MYO3B: variants seen among roughly 807,000 people sequenced by gnomAD.
The protein encoded by MYO3B is myosin IIIB.
In MYO3B, 156 loss-of-function variants were observed where a neutral mutation model predicts 174.6. The ratio of observed to expected loss-of-function variants is 0.89; its 90% CI spans 0.78 to 1.02. The LOEUF is 1.02. Among genes scored for constraint, MYO3B ranks in the 50% least tolerant of loss-of-function variants. The pLI is 0.00. For synonymous variants in MYO3B, 563 were observed against 569.1 expected (o/e 0.99, Z 0.15); for missense variants, 1,632 against 1,639.4 (o/e 1.00, Z 0.08).
intron 7 of MYO3B, among the ~76,000 whole-genome samples, chr2:170,323,999 G>C (rs1239032435): frequency 6.6e-6 from 1 of 152,152 alleles, no homozygotes; most frequent in Non-Finnish European, 1.5e-5. Flanking sequence ...GAAGAAAAAG[G>C]AGTTCCCCTT....
intron 7 of MYO3B, among the ~76,000 whole-genome samples, chr2:170,271,964 G>GC (rs2093428214): frequency 6.6e-6 from 1 of 151,810 alleles, no homozygotes; most frequent in Non-Finnish European, 1.5e-5. Context: ...ATAGCTCTTT[G>GC]TATCTAGTAA....
At chr2:170,411,399 T>C (rs749613612) in intron 22 of MYO3B, among the ~76,000 whole-genome samples, 5 of 152,246 alleles carry the variant, frequency 3.3e-5, no homozygotes, top group South Asian at 2.1e-4. Flanking sequence ...TCTCGGGCTG[T>C]AAACCTGTAC....
At chr2:170,610,573 T>G (rs1695074971) in intron 32 of MYO3B, among the ~76,000 whole-genome samples, 2 of 152,216 alleles carry the variant, frequency 1.3e-5, no homozygotes, top group African/African-American at 2.4e-5. Flanking sequence ...ATGTTTCTTT[T>G]CCCAGTTATG....
At chr2:170,245,854 G>A (rs1256192348) in intron 7 of MYO3B, among the ~76,000 whole-genome samples, 1 of 152,130 alleles carries the variant, frequency 6.6e-6, no homozygotes, top group Non-Finnish European at 1.5e-5. Flanking sequence ...AGATACCAGT[G>A]CCTCATGTAT....
At position 170,466,820 on chromosome 2, in the gene MYO3B, G is replaced by A. The variant is rs1453724101; in HGVS notation, c.3014+109G>A. Reference sequence around the variant, plus strand: ...CGTGCTCTCCTCCAAACATGTAATTGGCTAGTTGCCAGCTACCATTTACTT... The same window carrying A: ...CGTGCTCTCCTCCAAACATGTAATTAGCTAGTTGCCAGCTACCATTTACTT... On this transcript the variant is annotated intron_variant, in intron 25 of 34. Transcript: ENST00000408978. 4 of 1,083,610 alleles carry A rather than the reference G, an allele frequency of 3.7e-6. No individual in the cohort carries two copies. In the Admixed American group the frequency reaches 9.9e-5, roughly 27 times the overall value. 67.1% of individuals were successfully genotyped at this position (1,083,610 alleles called of 1,614,324 possible). A position where few individuals can be genotyped will look rare whatever the true frequency, so the allele number is the denominator to read the frequency against.
chr2:170,538,526 G>A (rs1054372312), intron 30 of MYO3B, among the ~76,000 whole-genome samples: 1 of 152,230 alleles, frequency 6.6e-6, no homozygotes, highest in African/African-American at 2.4e-5. Flanking sequence ...TGCAGAAGAA[G>A]GGAGATGCTG....
intron 32 of MYO3B, among the ~76,000 whole-genome samples, chr2:170,572,150 T>C (rs13426855): frequency 0.68 from 102,642 of 151,804 alleles, 35,027 homozygotes; most frequent in Non-Finnish European, 0.7. Flanking sequence ...CTTTCTCTGG[T>C]CGGGCATGGT....
intron 30 of MYO3B, among the ~76,000 whole-genome samples, chr2:170,529,592 C>T (rs961303162): frequency 2.6e-5 from 4 of 152,166 alleles, no homozygotes; most frequent in African/African-American, 9.7e-5. Flanking sequence ...CATCCCCTTC[C>T]TGCATTACCC....
rs78458638 is a variant in MYO3B, at chr2:170,380,136, G to A, written c.972-1880G>A. Among the ~76,000 whole-genome samples, 1,061 of 152,284 alleles carry A rather than the reference G, an allele frequency of 7.0e-3. 18 individuals carry two copies. Among genetic ancestry groups the A allele is most frequent in the East Asian group, 0.057 (298 of 5,184 alleles). ...TAGCTAGATAGAATTGTATTGGTGG[G>A]TGATATCCTCATAAGCTGTGATGTT... On this transcript the variant is annotated intron_variant, in intron 9 of 34. Transcript: ENST00000408978.
chr2:170,306,578 T>C (rs2093702114), intron 7 of MYO3B, among the ~76,000 whole-genome samples: 1 of 152,244 alleles, frequency 6.6e-6, no homozygotes, highest in Non-Finnish European at 1.5e-5. Flanking sequence ...GACTGTTGAC[T>C]GACCGTTAGT....
intron 32 of MYO3B, among the ~76,000 whole-genome samples, chr2:170,616,670 T>C (rs1191961143): frequency 2.6e-5 from 4 of 152,126 alleles, no homozygotes; most frequent in African/African-American, 9.7e-5. Context: ...AAACCAATAG[T>C]ACAAATTATA....
intron 32 of MYO3B, among the ~76,000 whole-genome samples, chr2:170,592,204 A>C (rs1368225981): frequency 6.6e-6 from 1 of 152,162 alleles, no homozygotes; most frequent in Non-Finnish European, 1.5e-5. Flanking sequence ...TTCTGTTGAT[A>C]GAGGTACTTT....
intron 16 of MYO3B, among the ~76,000 whole-genome samples, chr2:170,399,288 C>T (rs137925667): frequency 9.7e-5 from 10 of 103,048 alleles, no homozygotes; most frequent in African/African-American, 3.5e-4. Flanking sequence ...GTCTGGCCAA[C>T]AGGGCAAAAC....
chr2:170,404,108 C>A lies in MYO3B; in HGVS notation c.2278-139C>A, dbSNP rs567692037. On this transcript the variant is annotated intron_variant, in intron 19 of 34. Transcript: ENST00000408978. ...TTAATGGTGTTATATGCAGAAGATTCCTTTATTATACACATAAAACATATC... is the reference window on the plus strand; with the variant it reads ...TTAATGGTGTTATATGCAGAAGATTACTTTATTATACACATAAAACATATC... The A allele has an allele frequency of 7.2e-6, 6 of 838,532 alleles. No homozygotes were observed. In the South Asian group the frequency reaches 1.3e-4, roughly 19 times the overall value. 51.9% of individuals were successfully genotyped at this position (838,532 alleles called of 1,614,324 possible). A position where few individuals can be genotyped will look rare whatever the true frequency, so the allele number is the denominator to read the frequency against.
intron 32 of MYO3B, chr2:170,643,584 A>G (rs556125862): frequency 6.6e-5 from 10 of 152,316 alleles, no homozygotes; most frequent in South Asian, 6.2e-4. Flanking sequence ...AGGATTTGCC[A>G]TCTGTAAATC....
chr2:170,653,401 A>G lies in MYO3B; in HGVS notation c.*280A>G, dbSNP rs1699129134. 1 of 394,226 alleles carries G rather than the reference A, an allele frequency of 2.5e-6. No homozygotes were observed. Among genetic ancestry groups the G allele is most frequent in the Non-Finnish European group, 4.6e-6 (1 of 218,956 alleles). 24.4% of individuals were successfully genotyped at this position (394,226 alleles called of 1,614,324 possible). ...CACCTTTACAATAGTTTAAACAGTC[A>G]TTCATGCCCCCAGTGTCTAGGAAGA... On this transcript the variant is annotated 3_prime_UTR_variant, in exon 35 of 35. Coordinates refer to ENST00000408978, the MANE Select transcript of MYO3B (RefSeq NM_138995.5).
chr2:170,343,237 T>G (rs1323348476), intron 8 of MYO3B, among the ~76,000 whole-genome samples: 1 of 152,014 alleles, frequency 6.6e-6, no homozygotes, highest in Non-Finnish European at 1.5e-5. Flanking sequence ...ACCAGGAGTT[T>G]GAGCCTGGGC....
chr2:170,391,998 T>A (rs1209369089), intron 15 of MYO3B, among the ~76,000 whole-genome samples: 1 of 151,814 alleles, frequency 6.6e-6, no homozygotes, highest in Non-Finnish European at 1.5e-5. Context: ...CTACAATTTT[T>A]TTTTTAATTA....
At chr2:170,405,470 G>A in intron 20 of MYO3B, 75 bp from the exon 21 acceptor site, 1 of 1,413,822 alleles carries the variant, frequency 7.1e-7, no homozygotes, top group Admixed American at 1.7e-5. Flanking sequence ...AGTCATTCAT[G>A]GCTTGAGGAA....
Sources: gnomAD v4.1 joint callset for allele counts (sites outside exome capture counted in the v4.1 genomes callset) on GRCh38, gnomAD v4.1.1 for gene constraint, MANE v1.5 for transcripts, NCBI Gene and HGNC (gene_info 2026-07-23, HGNC 2026-07-21) for gene names.